Variants in SERPINI1 observed in about 807,000 individuals in gnomAD.
The protein encoded by SERPINI1 is serpin family I member 1.
In SERPINI1, 19 loss-of-function variants were observed where a neutral mutation model predicts 41.1. The ratio of observed to expected loss-of-function variants is 0.46; its 90% CI spans 0.32 to 0.68. The LOEUF is 0.68. Ranked by LOEUF, SERPINI1 falls within the 30% of genes least tolerant of loss-of-function variation. The probability of loss-of-function intolerance (pLI) is 0.03; values close to 1 mark genes in which losing one functional copy is unlikely to be tolerated. For synonymous variants in SERPINI1, 138 were observed against 156.6 expected, an observed-to-expected ratio of 0.88 and a Z score of 0.89; for missense variants, 460 against 479.2, an observed-to-expected ratio of 0.96 and a Z score of 0.37.
chr3:167,758,267 G>A (rs1241020872), intron 1 of SERPINI1, among the ~76,000 whole-genome samples: 1 of 152,084 alleles, frequency 6.6e-6, no homozygotes, highest in East Asian at 1.9e-4. Context: ...TTTTTAACAA[G>A]ACATTGATCT....
chr3:167,744,726 TAA>T (rs1268746496), intron 1 of SERPINI1, among the ~76,000 whole-genome samples: 1 of 126,964 alleles, frequency 7.9e-6, no homozygotes, highest in Non-Finnish European at 1.6e-5. Flanking sequence ...TATAAATATA[TAA>T]ATATATATAT....
intron 5 of SERPINI1, among the ~76,000 whole-genome samples, chr3:167,804,408 C>T (rs2108565669): frequency 6.6e-6 from 1 of 152,264 alleles, no homozygotes; most frequent in South Asian, 2.1e-4. Context: ...AAGAGAACAA[C>T]CTATTGCCTT....
In SERPINI1 at chr3:167,794,731, C is replaced by T. The variant is rs1161761699; in HGVS notation, c.788C>T (p.Pro263Leu). 6.2e-7 allele frequency: 1 copy of T among 1,613,514 alleles called. No individual in the cohort carries two copies. The highest frequency in any genetic ancestry group is 1.3e-5 in the African/African-American group (1 of 74,872). Reference protein sequence around the residue: ...MMLVLSRQEVPLATLEPLVKA... With the variant: ...MMLVLSRQEVLLATLEPLVKA... ...CTGGTGCTGTCCAGACAGGAAGTTCCTCTTGCTACTCTGGAGCCATTAGTC... is the reference window on the plus strand; with the variant it reads ...CTGGTGCTGTCCAGACAGGAAGTTCTTCTTGCTACTCTGGAGCCATTAGTC... The change falls in exon 5 of 9, where the codon CCT becomes CTT. Residue 263 changes from proline to leucine, a missense_variant. Coordinates refer to ENST00000446050, the MANE Select transcript of SERPINI1 (RefSeq NM_001122752.2).
chr3:167,812,093 AT>A (rs1711909037), intron 6 of SERPINI1, among the ~76,000 whole-genome samples: 1 of 152,156 alleles, frequency 6.6e-6, no homozygotes, highest in South Asian at 2.1e-4. Context: ...TTCATTTTTT[AT>A]TCCATGGCAT....
chr3:167,784,315 T>G (rs557074315), intron 1 of SERPINI1, among the ~76,000 whole-genome samples: 9 of 152,328 alleles, frequency 5.9e-5, no homozygotes, highest in African/African-American at 2.2e-4. Flanking sequence ...ACTGTAATAT[T>G]AATTGTACAC....
chr3:167,759,276 C>T (rs1044374254), intron 1 of SERPINI1, among the ~76,000 whole-genome samples: 8 of 151,500 alleles, frequency 5.3e-5, no homozygotes, highest in African/African-American at 1.9e-4. Flanking sequence ...TTTTACTACC[C>T]AAAGGAAAAT....
intron 6 of SERPINI1, among the ~76,000 whole-genome samples, chr3:167,808,462 A>C (rs545760471): frequency 5.9e-5 from 9 of 152,180 alleles, no homozygotes; most frequent in African/African-American, 2.2e-4. Context: ...TTTCCTTAGA[A>C]GAGAGAAAAT....
At chr3:167,739,638 C>T (rs140309265) in intron 1 of SERPINI1, among the ~76,000 whole-genome samples, 20 of 152,218 alleles carry the variant, frequency 1.3e-4, no homozygotes, top group African/African-American at 4.1e-4. Flanking sequence ...AACCTCAAGG[C>T]CCTGGAGTTA....
At chr3:167,760,063 G>A (rs1287864188) in intron 1 of SERPINI1, among the ~76,000 whole-genome samples, 1 of 152,054 alleles carries the variant, frequency 6.6e-6, no homozygotes, top group African/African-American at 2.4e-5. Context: ...CAAATATCCT[G>A]TTTCTCATCA....
At chr3:167,743,565 T>C (rs1725749276) in intron 1 of SERPINI1, among the ~76,000 whole-genome samples, 1 of 152,152 alleles carries the variant, frequency 6.6e-6, no homozygotes, top group African/African-American at 2.4e-5. Context: ...TTACCCTAGG[T>C]GAATGGCTTT....
rs1560010578 is a variant in SERPINI1 at position 167,794,591 on chromosome 3, ATC to A, written c.677-27_677-26del. ...CAGCTTTTTTTAAGCTTTGATAGGC[ATC>A]TTTTATGGCCTTTATTTTCTTTTTA... On this transcript the variant is annotated intron_variant, in intron 4 of 8. Transcript: ENST00000446050. 2.5e-6 allele frequency: 4 copies of A among 1,600,132 alleles called. No individual in the cohort carries two copies. In the East Asian group the frequency reaches 8.9e-5, roughly 36 times the overall value.
chr3:167,800,937 C>T (rs1411548065), intron 5 of SERPINI1, among the ~76,000 whole-genome samples: 4 of 152,214 alleles, frequency 2.6e-5, no homozygotes, highest in Non-Finnish European at 4.4e-5. Flanking sequence ...CCTGCCTCAG[C>T]CTCCTAAGTA....
At chr3:167,744,597 G>A (rs1482602261) in intron 1 of SERPINI1, among the ~76,000 whole-genome samples, 1 of 136,726 alleles carries the variant, frequency 7.3e-6, no homozygotes, top group African/African-American at 2.7e-5. Flanking sequence ...TAACTATATT[G>A]TTATTTTTTA....
At chr3:167,769,948 T>G (rs1176754279) in intron 1 of SERPINI1, among the ~76,000 whole-genome samples, 1 of 151,792 alleles carries the variant, frequency 6.6e-6, no homozygotes, top group African/African-American at 2.4e-5. Flanking sequence ...GATTTTTCAG[T>G]TTTTCACTTG....
At chr3:167,793,871 T>TGTGTGTGTG (rs1727627317) in intron 4 of SERPINI1, among the ~76,000 whole-genome samples, 1 of 151,032 alleles carries the variant, frequency 6.6e-6, no homozygotes, top group Admixed American at 6.6e-5. Context: ...TGTGTGTGTG[T>TGTGTGTGTG]TAATTTGGCT....
At chr3:167,740,999 C>T (rs1004062121) in intron 1 of SERPINI1, among the ~76,000 whole-genome samples, 3 of 152,136 alleles carry the variant, frequency 2.0e-5, no homozygotes, top group Non-Finnish European at 4.4e-5. Flanking sequence ...ATTGAGAGAC[C>T]TTAGTAAAGC....
At chr3:167,820,577 C>G (rs1484057807) in intron 6 of SERPINI1, among the ~76,000 whole-genome samples, 1 of 152,252 alleles carries the variant, frequency 6.6e-6, no homozygotes, top group African/African-American at 2.4e-5. Context: ...GCTGACACAT[C>G]AACCCCCTGC....
At chr3:167,767,770 G>A (rs142023233) in intron 1 of SERPINI1, among the ~76,000 whole-genome samples, 39 of 152,298 alleles carry the variant, frequency 2.6e-4, no homozygotes, top group African/African-American at 9.1e-4. Flanking sequence ...TTCAGTGGAG[G>A]AAGTAACTGT....
intron 1 of SERPINI1, among the ~76,000 whole-genome samples, chr3:167,740,962 A>G (rs549309973): frequency 4.2e-4 from 64 of 152,224 alleles, no homozygotes; most frequent in Non-Finnish European, 7.1e-4. Flanking sequence ...CTGGCTGTAA[A>G]TGTTCCATTT....
Sources: allele counts gnomAD v4.1 joint callset (sites outside exome capture counted in the v4.1 genomes callset), GRCh38; gene constraint gnomAD v4.1.1; transcripts MANE v1.5; gene names NCBI Gene and HGNC (gene_info 2026-07-23, HGNC 2026-07-21).